ACCSL: variants seen among roughly 807,000 people sequenced by gnomAD.
The protein encoded by ACCSL is 1-aminocyclopropane-1-carboxylate synthase homolog (inactive) like.
Under a neutral mutation model 61.7 loss-of-function variants are expected in ACCSL, and 55 were observed. The ratio of observed to expected loss-of-function variants is 0.89; its 90% CI spans 0.72 to 1.12. ACCSL has a LOEUF of 1.12. ACCSL is among the 50% of genes most tolerant of loss of function. The pLI is 0.00. For missense variants in ACCSL, 632 were observed against 698.0 expected (o/e 0.91, Z 1.07); for synonymous variants, 258 against 264.3 (o/e 0.98, Z 0.23).
chr11:43,982,830 G>T, the ACCSL span, among the ~76,000 whole-genome samples: 1 of 152,188 alleles, frequency 6.6e-6, no homozygotes, highest in Non-Finnish European at 1.5e-5. Flanking sequence ...CCAGAATTAG[G>T]GAGTGCTCTT....
In ACCSL at chr11:44,051,354, C is replaced by T. The variant is rs376807491; in HGVS notation, c.655C>T (p.Arg219Trp). The change falls in exon 4 of 14, where the codon CGG becomes TGG. Residue 219 changes from arginine (R) to tryptophan (W), a missense_variant. By Grantham distance (101) the Arg-to-Trp change is moderately radical. Transcript: ENST00000378832. ...TTACAGCCTGCGGGAAGAAGTGGCC[C>T]GGTTCCTGACCTACTACTGCAGGGC... The part of the protein sequence containing the change: ...GQPFLREEVA[R>W]FLTYYCRAPT... The T allele has an allele frequency of 9.3e-6, 15 of 1,614,036 alleles. No individual in the cohort carries two copies. Among genetic ancestry groups the T allele is most frequent in the African/African-American group, 4.0e-5 (3 of 74,910 alleles).
chr11:44,015,743 G>A, the ACCSL span, among the ~76,000 whole-genome samples: 7 of 152,322 alleles, frequency 4.6e-5, no homozygotes, highest in East Asian at 1.3e-3. Flanking sequence ...ACTAGAAAGA[G>A]CCTGGGCTGC....
At chr11:43,955,477 T>C in the ACCSL span, among the ~76,000 whole-genome samples, 1 of 152,136 alleles carries the variant, frequency 6.6e-6, no homozygotes, top group Non-Finnish European at 1.5e-5. Flanking sequence ...TTAATTGATA[T>C]GAGGCTGGCC....
chr11:44,025,038 A>G, the ACCSL span, among the ~76,000 whole-genome samples: 1 of 152,140 alleles, frequency 6.6e-6, no homozygotes, highest in Non-Finnish European at 1.5e-5. Context: ...CATAGTAAAT[A>G]TTCTATTCTT....
At chr11:43,993,453 C>G in the ACCSL span, among the ~76,000 whole-genome samples, 1 of 152,120 alleles carries the variant, frequency 6.6e-6, no homozygotes, top group Non-Finnish European at 1.5e-5. Context: ...ACATCCTGGC[C>G]GCTCGGATGG....
the ACCSL span, among the ~76,000 whole-genome samples, chr11:43,940,460 A>T: frequency 6.7e-6 from 1 of 149,954 alleles, no homozygotes; most frequent in Admixed American, 6.7e-5. Context: ...GGTTCACACC[A>T]TTCTCCTGCC....
the ACCSL span, among the ~76,000 whole-genome samples, chr11:43,952,397 C>T: frequency 1.3e-5 from 2 of 152,142 alleles, no homozygotes; most frequent in East Asian, 3.8e-4. Context: ...CAATTTCTGC[C>T]TCCAAAGAAA....
the ACCSL span, among the ~76,000 whole-genome samples, chr11:44,019,241 T>C: frequency 6.6e-6 from 1 of 152,250 alleles, no homozygotes; most frequent in Non-Finnish European, 1.5e-5. Context: ...TATGAACATA[T>C]GTGTACAAGT....
chr11:43,981,537 T>A, the ACCSL span, among the ~76,000 whole-genome samples: 2 of 152,200 alleles, frequency 1.3e-5, no homozygotes, highest in Admixed American at 6.5e-5. Context: ...AGAAAAACAC[T>A]TTTCTCCTAA....
chr11:43,972,696 A>T, the ACCSL span, among the ~76,000 whole-genome samples: 1 of 152,216 alleles, frequency 6.6e-6, no homozygotes, highest in Non-Finnish European at 1.5e-5. Flanking sequence ...GCTGTCAGGA[A>T]AGGAGTTTCT....
At chr11:43,969,237 T>G in the ACCSL span, among the ~76,000 whole-genome samples, 1 of 152,010 alleles carries the variant, frequency 6.6e-6, no homozygotes, top group Non-Finnish European at 1.5e-5. Flanking sequence ...GGCAGGCGCC[T>G]GTAGTCTCAG....
the ACCSL span, among the ~76,000 whole-genome samples, chr11:43,991,126 A>T: frequency 6.6e-6 from 1 of 152,036 alleles, no homozygotes; most frequent in South Asian, 2.1e-4. Context: ...AGTCAGAGAG[A>T]TTCATTCATT....
the ACCSL span, among the ~76,000 whole-genome samples, chr11:43,955,313 A>G: frequency 2.7e-4 from 41 of 152,308 alleles, no homozygotes; most frequent in African/African-American, 8.9e-4. Context: ...GTAATTTATA[A>G]AGAGCAGAAA....
At chr11:44,047,075 G>T (rs1254912677), upstream of ACCSL, among the ~76,000 whole-genome samples, 1 of 152,152 alleles carries the variant, frequency 6.6e-6, no homozygotes, top group Non-Finnish European at 1.5e-5. Flanking sequence ...CCAGGAACTT[G>T]CTAGAAATGA....
the ACCSL span, among the ~76,000 whole-genome samples, chr11:43,983,932 A>G: frequency 6.6e-6 from 1 of 152,094 alleles, no homozygotes; most frequent in Non-Finnish European, 1.5e-5. Flanking sequence ...CCTGGCCAAC[A>G]TGGTGAAACC....
the ACCSL span, among the ~76,000 whole-genome samples, chr11:43,960,801 G>GT: frequency 1.3e-5 from 2 of 151,974 alleles, no homozygotes; most frequent in African/African-American, 2.4e-5. Flanking sequence ...TTCTGATCTA[G>GT]TTTTTTTGTG....
rs762604782 is a variant in ACCSL at position 44,053,511 on chromosome 11, G to A, written c.1049+5G>A. On this transcript the variant is annotated splice_donor_5th_base_variant and intron_variant, in intron 8 of 13. Transcript: ENST00000378832. ...ATACCTGGAATTTGCCAAGAGGTATGAGTTCTACCCCTTGAGACTAGGTAA... is the reference window on the plus strand; with the variant it reads ...ATACCTGGAATTTGCCAAGAGGTATAAGTTCTACCCCTTGAGACTAGGTAA... The A allele has an allele frequency of 1.2e-6, 2 of 1,607,730 alleles. No homozygotes were observed. Among genetic ancestry groups the A allele is most frequent in the East Asian group, 4.5e-5 (2 of 44,850 alleles).
At chr11:43,968,539 T>G in the ACCSL span, among the ~76,000 whole-genome samples, 1 of 152,228 alleles carries the variant, frequency 6.6e-6, no homozygotes, top group African/African-American at 2.4e-5. Flanking sequence ...AAGAAGATAT[T>G]TGCTGCCACT....
the ACCSL span, among the ~76,000 whole-genome samples, chr11:44,013,736 C>G: frequency 5.0e-4 from 49 of 98,706 alleles, no homozygotes; most frequent in Admixed American, 5.0e-3. Context: ...CACCACCCTG[C>G]AAACCTAGTT....
Sources: allele counts gnomAD v4.1 joint callset (sites outside exome capture counted in the v4.1 genomes callset), GRCh38; gene constraint gnomAD v4.1.1; transcripts MANE v1.5; gene names NCBI Gene and HGNC (gene_info 2026-07-23, HGNC 2026-07-21).